The following BLMH variants were observed in gnomAD, a reference collection of about 807,000 sequenced individuals.
BLMH encodes the protein bleomycin hydrolase.
BLMH carries 32 observed loss-of-function variants against 61.6 expected under a neutral mutation model. The observed-to-expected ratio is 0.52, with a 90% CI of 0.39 to 0.70. The LOEUF is 0.70. Ranked by LOEUF, BLMH falls within the 30% of genes least tolerant of loss-of-function variation. The pLI is 0.00. For missense variants in BLMH, 460 were observed against 555.5 expected (o/e 0.83, Z 1.73); for synonymous variants, 183 against 193.8 (o/e 0.94, Z 0.46).
intron 4 of BLMH, 53 bp from the exon 5 acceptor site, chr17:30,286,955 G>A (rs1908749734): frequency 1.7e-6 from 2 of 1,168,356 alleles, no homozygotes; most frequent in East Asian, 4.8e-5. Context: ...AGAAACCCTG[G>A]CAAAAATAGT....
At chr17:30,261,556 A>C (rs960449864) in intron 11 of BLMH, among the ~76,000 whole-genome samples, 1 of 152,240 alleles carries the variant, frequency 6.6e-6, no homozygotes, top group Admixed American at 6.5e-5. Flanking sequence ...GGAGCTCATA[A>C]AGAAACAAAT....
chr17:30,271,129 C>T (rs756953393), intron 10 of BLMH, 142 bp downstream of exon 10: 9 of 637,126 alleles, frequency 1.4e-5, no homozygotes, highest in African/African-American at 5.4e-5. Context: ...CCCCAAGTGA[C>T]GCAGGTACGA....
At chr17:30,249,236 A>T in intron 11 of BLMH, 68 bp from the exon 12 acceptor site, 1 of 1,497,480 alleles carries the variant, frequency 6.7e-7, no homozygotes, top group Non-Finnish European at 9.1e-7. Flanking sequence ...CCCTTTTTGT[A>T]GGATAAACCT....
chr17:30,256,390 G>T (rs539141734), intron 11 of BLMH, among the ~76,000 whole-genome samples: 73 of 152,214 alleles, frequency 4.8e-4, no homozygotes, highest in Admixed American at 3.1e-3. Flanking sequence ...GTGCAGTGGC[G>T]TGATCTCAGT....
intron 11 of BLMH, among the ~76,000 whole-genome samples, chr17:30,261,185 G>A (rs1202816193): frequency 6.6e-6 from 1 of 152,136 alleles, no homozygotes; most frequent in African/African-American, 2.4e-5. Context: ...AATACATAGG[G>A]AATTTTAGGG....
At chr17:30,287,362 T>C (rs1567839859) in intron 4 of BLMH, among the ~76,000 whole-genome samples, 1 of 152,224 alleles carries the variant, frequency 6.6e-6, no homozygotes, top group Non-Finnish European at 1.5e-5. Flanking sequence ...TATCTGTCTA[T>C]GTTATCCTTT....
chr17:30,272,406 G>A, intron 9 of BLMH, 155 bp downstream of exon 9: 1 of 777,602 alleles, frequency 1.3e-6, no homozygotes, highest in Non-Finnish European at 2.2e-6. Context: ...TTTCTGCTAT[G>A]AGTCCTCAAA....
At chr17:30,274,000 T>G in intron 7 of BLMH, 42 bp downstream of exon 7, 1 of 1,609,042 alleles carries the variant, frequency 6.2e-7, no homozygotes, top group Non-Finnish European at 8.5e-7. Flanking sequence ...TAACAGCCAT[T>G]TGAAAGTAAA....
Position 30,249,179 on chromosome 17 carries a change from G to A in BLMH, c.1217-11C>T. 5.6e-6 allele frequency: 9 copies of A among 1,613,944 alleles called. No homozygotes were observed. Among genetic ancestry groups the A allele is most frequent in the Non-Finnish European group, 7.6e-6 (9 of 1,179,876 alleles). On this transcript the variant is annotated splice_polypyrimidine_tract_variant and intron_variant, in intron 11 of 11. Transcript: ENST00000261714. Reference sequence around the variant, plus strand: ...TCATGCACAGGTAACCTGGAGAAAAGAACAGAAGACTTATGAGTCCAGAGG... The same window carrying A: ...TCATGCACAGGTAACCTGGAGAAAAAAACAGAAGACTTATGAGTCCAGAGG...
intron 7 of BLMH, chr17:30,273,130 T>G: frequency 2.1e-6 from 1 of 481,092 alleles, no homozygotes; most frequent in Non-Finnish European, 3.6e-6. Context: ...TGCATCTACC[T>G]GTTTTTCCTA....
At chr17:30,277,769 T>C (rs996711774) in intron 6 of BLMH, among the ~76,000 whole-genome samples, 4 of 152,254 alleles carry the variant, frequency 2.6e-5, no homozygotes, top group African/African-American at 9.6e-5. Flanking sequence ...GTTAAATTCC[T>C]CCTTCTCCCA....
At chr17:30,272,673 T>C in intron 8 of BLMH, 45 bp from the exon 9 acceptor site, 5 of 1,614,092 alleles carry the variant, frequency 3.1e-6, no homozygotes, top group Non-Finnish European at 4.2e-6. Flanking sequence ...AAACCCCATC[T>C]TCCTATTATA....
At chr17:30,291,585 T>C in intron 1 of BLMH, 77 bp from the exon 2 acceptor site, 1 of 1,558,182 alleles carries the variant, frequency 6.4e-7, no homozygotes, top group Non-Finnish European at 8.8e-7. Flanking sequence ...GTCCCGAATC[T>C]AACTTCGTAA....
chr17:30,289,984 AACACAC>A (rs369960675), intron 2 of BLMH, among the ~76,000 whole-genome samples: 2 of 151,472 alleles, frequency 1.3e-5, no homozygotes, highest in African/African-American at 2.4e-5. Context: ...AACACTATTA[AACACAC>A]ACACACACAC....
chr17:30,249,622 T>G, intron 11 of BLMH: 1 of 155,462 alleles, frequency 6.4e-6, no homozygotes, highest in Non-Finnish European at 1.4e-5. Flanking sequence ...ACCCTACCAG[T>G]GTCAATGGCT....
At chr17:30,266,415 C>T (rs1908108364) in intron 11 of BLMH, among the ~76,000 whole-genome samples, 1 of 150,972 alleles carries the variant, frequency 6.6e-6, no homozygotes, top group African/African-American at 2.4e-5. Flanking sequence ...GCCCCAGCTA[C>T]TCCAGAGGCT....
chr17:30,270,204 T>A (rs956684588), intron 10 of BLMH, among the ~76,000 whole-genome samples: 6 of 152,288 alleles, frequency 3.9e-5, no homozygotes, highest in African/African-American at 9.6e-5. Context: ...CAATTCTCTA[T>A]CAAACCATTT....
chr17:30,269,715 A>G (rs1011949923), intron 10 of BLMH, among the ~76,000 whole-genome samples: 2 of 152,174 alleles, frequency 1.3e-5, no homozygotes, highest in Non-Finnish European at 2.9e-5. Context: ...CGAATGGAAT[A>G]ATGAGGAAAA....
chr17:30,273,033 T>A, intron 7 of BLMH, 134 bp from the exon 8 acceptor site: 1 of 985,102 alleles, frequency 1.0e-6, no homozygotes, highest in Non-Finnish European at 1.5e-6. Context: ...GCCACATTGT[T>A]AAGTAACAAA....
Sources: allele counts gnomAD v4.1 joint callset (sites outside exome capture counted in the v4.1 genomes callset), GRCh38; gene constraint gnomAD v4.1.1; transcripts MANE v1.5; gene names NCBI Gene and HGNC (gene_info 2026-07-23, HGNC 2026-07-21).